Variants in MECR observed in about 807,000 individuals in gnomAD.
The protein encoded by MECR is mitochondrial trans-2-enoyl-CoA reductase, also known as enoyl-[acyl-carrier-protein] reductase, mitochondrial.
Under a neutral mutation model 49.1 loss-of-function variants are expected in MECR, and 37 were observed. That is an observed-to-expected ratio of 0.75 (90% CI 0.58 to 0.99). The LOEUF (loss-of-function observed/expected upper bound fraction) is 0.99, where lower values mean the gene tolerates loss of function less well. Ranked by LOEUF, MECR falls within the 50% of genes least tolerant of loss-of-function variation. The probability of loss-of-function intolerance (pLI) is 0.00; values close to 1 mark genes in which losing one functional copy is unlikely to be tolerated. For synonymous variants in MECR, 198 were observed against 191.1 expected, an observed-to-expected ratio of 1.04 and a Z score of -0.30; for missense variants, 470 against 479.6, an observed-to-expected ratio of 0.98 and a Z score of 0.19.
intron 1 of MECR, among the ~76,000 whole-genome samples, chr1:29,227,530 A>C (rs1682398102): frequency 6.6e-6 from 1 of 152,222 alleles, no homozygotes; most frequent in Non-Finnish European, 1.5e-5. Context: ...CAGGAATGAA[A>C]ACAGGGACGT....
rs1263681618 is a variant in MECR at position 29,216,966 on chromosome 1, C to T, written c.177-281G>A. ...CCTGGCCAACATGGTGAAAACCTGT[C>T]TCTACTAAAATACAAAAATTAGCTG... On this transcript the variant is annotated intron_variant, in intron 1 of 9. Transcript: ENST00000263702. 6.6e-5 allele frequency among the ~76,000 whole-genome samples: 10 copies of T among 151,712 alleles called. 1 individual carries two copies.
chr1:29,181,587 C>G, the MECR span: 1 of 1,410,094 alleles, frequency 7.1e-7, no homozygotes, highest in African/African-American at 1.5e-5. Context: ...TCCCCGCGGC[C>G]TCCCCACCAC....
At chr1:29,185,826 C>CA in the MECR span, among the ~76,000 whole-genome samples, 3 of 151,842 alleles carry the variant, frequency 2.0e-5, no homozygotes, top group Non-Finnish European at 2.9e-5. Flanking sequence ...GAAAAAACAA[C>CA]AAAAAAAATT....
chr1:29,179,655 T>C, the MECR span, among the ~76,000 whole-genome samples: 3 of 152,204 alleles, frequency 2.0e-5, no homozygotes, highest in South Asian at 2.1e-4. Flanking sequence ...CGACATATAC[T>C]ATTCCCAGAA....
At chr1:29,213,750 T>G (rs1245794965) in intron 3 of MECR, among the ~76,000 whole-genome samples, 23 of 152,276 alleles carry the variant, frequency 1.5e-4, no homozygotes, top group Admixed American at 1.5e-3. Flanking sequence ...CTGGGTGACC[T>G]TGGACAAACT....
At chr1:29,205,584 C>A (rs979497392) in intron 4 of MECR, among the ~76,000 whole-genome samples, 1 of 151,730 alleles carries the variant, frequency 6.6e-6, no homozygotes, top group Non-Finnish European at 1.5e-5. Flanking sequence ...GTAATCCCAG[C>A]ACTTTGGGAG....
chr1:29,213,569 C>A, intron 3 of MECR, among the ~76,000 whole-genome samples: 1 of 152,342 alleles, frequency 6.6e-6, no homozygotes, highest in Non-Finnish European at 1.5e-5. Flanking sequence ...CAGGGATGGG[C>A]AAGGCCCATT....
intron 3 of MECR, among the ~76,000 whole-genome samples, chr1:29,207,428 A>G (rs1676889902): frequency 6.6e-6 from 1 of 151,936 alleles, no homozygotes; most frequent in Non-Finnish European, 1.5e-5. Flanking sequence ...CCCAAAATAG[A>G]CAGTCATTCT....
At chr1:29,179,241 T>G in the MECR span, among the ~76,000 whole-genome samples, 1 of 152,264 alleles carries the variant, frequency 6.6e-6, no homozygotes, top group Non-Finnish European at 1.5e-5. Context: ...TAAGGCTTGA[T>G]CCATGCTAGA....
At chr1:29,177,099 T>C in the MECR span, among the ~76,000 whole-genome samples, 3 of 152,184 alleles carry the variant, frequency 2.0e-5, no homozygotes, top group African/African-American at 7.2e-5. Context: ...GCAACTAGTG[T>C]ACTCAAAATT....
At chr1:29,170,281 C>T in the MECR span, 14 of 152,162 alleles carry the variant, frequency 9.2e-5, no homozygotes, top group African/African-American at 1.7e-4. Context: ...AGTCACATTA[C>T]CAATTTAGAA....
At chr1:29,195,102 C>T (rs1269093212) in intron 9 of MECR, among the ~76,000 whole-genome samples, 5 of 151,988 alleles carry the variant, frequency 3.3e-5, no homozygotes, top group African/African-American at 4.8e-5. Context: ...GGCAACAGAG[C>T]GATACCTTGT....
the MECR span, among the ~76,000 whole-genome samples, chr1:29,176,253 A>AAAAAAAC: frequency 3.9e-5 from 6 of 152,250 alleles, no homozygotes; most frequent in Admixed American, 6.5e-5. Flanking sequence ...CTCCATCTCA[A>AAAAAAAC]AAAAAACAAA....
rs530526385 is a variant in MECR, at chr1:29,208,149, C to T, written c.407-1244G>A. Among the ~76,000 whole-genome samples, 11 of 152,282 alleles carry T rather than the reference C, an allele frequency of 7.2e-5. No homozygotes were observed. In the South Asian group the frequency reaches 1.5e-3, roughly 20 times the overall value. On this transcript the variant is annotated intron_variant, in intron 3 of 9. Transcript: ENST00000263702. ...CTGGGATTACAGGCACCTGCCACCA[C>T]GCCCGGCTAATTTTTGTATTTTTAG...
At chr1:29,218,682 T>G (rs1020383238) in intron 1 of MECR, among the ~76,000 whole-genome samples, 2 of 152,256 alleles carry the variant, frequency 1.3e-5, no homozygotes, top group South Asian at 4.1e-4. Flanking sequence ...ACCAGCCTGG[T>G]CAACCTAGTG....
At chr1:29,202,125 G>T in intron 5 of MECR, 80 bp from the exon 6 acceptor site, 1 of 1,206,478 alleles carries the variant, frequency 8.3e-7, no homozygotes, top group Non-Finnish European at 1.2e-6. Flanking sequence ...TGCCACAGCT[G>T]GGAGAACCCG....
At chr1:29,182,459 A>C in the MECR span, among the ~76,000 whole-genome samples, 2 of 152,204 alleles carry the variant, frequency 1.3e-5, no homozygotes, top group Non-Finnish European at 2.9e-5. Context: ...CACTGCTTAA[A>C]TAGAAGCAGT....
chr1:29,168,313 G>A, the MECR span, among the ~76,000 whole-genome samples: 2 of 151,790 alleles, frequency 1.3e-5, no homozygotes, highest in South Asian at 2.1e-4. Flanking sequence ...TTACAGGCAT[G>A]AGCCACCATG....
the MECR span, chr1:29,168,829 TTTAA>T: frequency 6.6e-6 from 1 of 152,316 alleles, no homozygotes; most frequent in East Asian, 1.9e-4. Context: ...TAGGAATGTA[TTTAA>T]TTAGTTTTGC....
Sources: allele counts gnomAD v4.1 joint callset (sites outside exome capture counted in the v4.1 genomes callset), GRCh38; gene constraint gnomAD v4.1.1; transcripts MANE v1.5; gene names NCBI Gene and HGNC (gene_info 2026-07-23, HGNC 2026-07-21).